RBFOX1: variants seen among roughly 807,000 people sequenced by gnomAD.
The protein encoded by RBFOX1 is RNA binding fox-1 homolog 1.
A neutral mutation model predicts 57.7 loss-of-function variants in RBFOX1; 8 were observed. The observed-to-expected ratio is 0.14, with a 90% CI of 0.08 to 0.25. The LOEUF is 0.25. Ranked by LOEUF, RBFOX1 falls within the 10% of genes least tolerant of loss-of-function variation. RBFOX1 has a pLI of 1.00. For synonymous variants in RBFOX1, 326 were observed against 222.4 expected (o/e 1.47, Z -4.15); for missense variants, 611 against 548.5 (o/e 1.11, Z -1.14).
intron 10 of RBFOX1, among the ~76,000 whole-genome samples, chr16:7,621,109 G>A (rs1297067498): frequency 6.6e-6 from 1 of 152,100 alleles, no homozygotes; most frequent in Non-Finnish European, 1.5e-5. Context: ...GCATAGTAGA[G>A]TTTGAGAAGC....
At chr16:6,058,218 T>G (rs2095638194) in intron 1 of RBFOX1, among the ~76,000 whole-genome samples, 1 of 152,134 alleles carries the variant, frequency 6.6e-6, no homozygotes, top group Non-Finnish European at 1.5e-5. Flanking sequence ...CTATCAGAAA[T>G]ATGAGTGTTT....
intron 3 of RBFOX1, among the ~76,000 whole-genome samples, chr16:6,736,809 T>A (rs553784482): frequency 2.0e-5 from 3 of 152,298 alleles, no homozygotes; most frequent in African/African-American, 7.2e-5. Flanking sequence ...TGGAATGCTG[T>A]ATTCATACAT....
At chr16:6,633,172 G>C (rs1433008488) in intron 2 of RBFOX1, among the ~76,000 whole-genome samples, 4 of 152,138 alleles carry the variant, frequency 2.6e-5, no homozygotes, top group Non-Finnish European at 2.9e-5. Context: ...ATCTTAGCAG[G>C]GCAGGTCAGA....
chr16:5,565,991 G>C (rs929949792), intron 2 of RBFOX1, among the ~76,000 whole-genome samples: 2 of 152,124 alleles, frequency 1.3e-5, no homozygotes, highest in Non-Finnish European at 2.9e-5. Flanking sequence ...TAAGTCTCCT[G>C]AGATCTGATG....
intron 4 of RBFOX1, among the ~76,000 whole-genome samples, chr16:7,078,046 T>A (rs1304672275): frequency 6.6e-6 from 1 of 152,150 alleles, no homozygotes; most frequent in Non-Finnish European, 1.5e-5. Flanking sequence ...GACAAACACC[T>A]TTTGAGATTT....
chr16:5,423,478 CAG>C (rs992002048), intron 1 of RBFOX1, among the ~76,000 whole-genome samples: 9 of 152,184 alleles, frequency 5.9e-5, no homozygotes, highest in African/African-American at 2.2e-4. Context: ...CGCCATCCAA[CAG>C]GGAGCATTTT....
chr16:6,896,070 T>C (rs530169070), intron 3 of RBFOX1, among the ~76,000 whole-genome samples: 183 of 152,202 alleles, frequency 1.2e-3, no homozygotes, highest in African/African-American at 4.2e-3. Context: ...CTTAGGAGTT[T>C]GGGACCAACC....
chr16:7,418,814 C>T (rs1430618272), intron 4 of RBFOX1, among the ~76,000 whole-genome samples: 1 of 152,132 alleles, frequency 6.6e-6, no homozygotes, highest in Non-Finnish European at 1.5e-5. Context: ...CTGTCTCTCT[C>T]ACCTCTTTTT....
chr16:6,943,976 A>G (rs1568004496), intron 3 of RBFOX1, among the ~76,000 whole-genome samples: 1 of 152,264 alleles, frequency 6.6e-6, no homozygotes, highest in East Asian at 1.9e-4. Context: ...GGGGCTGCCC[A>G]ACTCACGAAC....
At chr16:6,432,210 C>A (rs1198054221) in intron 2 of RBFOX1, among the ~76,000 whole-genome samples, 1 of 151,990 alleles carries the variant, frequency 6.6e-6, no homozygotes, top group African/African-American at 2.4e-5. Context: ...TTTAAGCAGT[C>A]CTCCCACCTG....
chr16:7,350,942 C>G (rs761904836), intron 4 of RBFOX1, among the ~76,000 whole-genome samples: 3 of 152,166 alleles, frequency 2.0e-5, no homozygotes, highest in Non-Finnish European at 4.4e-5. Flanking sequence ...GCAAACCTGC[C>G]TGAGCATGGA....
chr16:6,369,336 G>A (rs974824496), intron 2 of RBFOX1, among the ~76,000 whole-genome samples: 1 of 152,008 alleles, frequency 6.6e-6, no homozygotes. Flanking sequence ...TTGCTGGGTC[G>A]GATAGTGTAA....
At chr16:7,009,346 G>A (rs1596854686) in intron 3 of RBFOX1, among the ~76,000 whole-genome samples, 1 of 148,306 alleles carries the variant, frequency 6.7e-6, no homozygotes, top group East Asian at 2.0e-4. Context: ...TGAAGACCCT[G>A]CGCCAAGCAG....
intron 4 of RBFOX1, among the ~76,000 whole-genome samples, chr16:7,230,393 C>A (rs1460132272): frequency 6.6e-6 from 1 of 152,106 alleles, no homozygotes; most frequent in African/African-American, 2.4e-5. Flanking sequence ...CTTAACATAT[C>A]AGCTTCCATA....
intron 1 of RBFOX1, among the ~76,000 whole-genome samples, chr16:5,352,948 C>G (rs1274699508): frequency 2.0e-5 from 3 of 152,030 alleles, no homozygotes; most frequent in African/African-American, 7.2e-5. Flanking sequence ...GTTTTAGAAA[C>G]AAAAATATCC....
chr16:6,612,250 C>T (rs1339964608), intron 2 of RBFOX1, among the ~76,000 whole-genome samples: 1 of 152,070 alleles, frequency 6.6e-6, no homozygotes, highest in Admixed American at 6.5e-5. Flanking sequence ...CAATATTCCC[C>T]TAAATGTTAA....
intron 2 of RBFOX1, among the ~76,000 whole-genome samples, chr16:5,577,033 C>G (rs909047041): frequency 6.6e-6 from 1 of 152,214 alleles, no homozygotes; most frequent in Non-Finnish European, 1.5e-5. Flanking sequence ...GCTCCTCTCT[C>G]CCCAATTTCC....
intron 4 of RBFOX1, among the ~76,000 whole-genome samples, chr16:7,213,388 C>G (rs917376258): frequency 6.6e-6 from 1 of 152,072 alleles, no homozygotes; most frequent in Non-Finnish European, 1.5e-5. Context: ...CTTTAAGTTC[C>G]CAGTGTAATA....
intron 4 of RBFOX1, among the ~76,000 whole-genome samples, chr16:7,118,380 T>C (rs1420813582): frequency 2.6e-5 from 4 of 152,130 alleles, no homozygotes; most frequent in African/African-American, 9.7e-5. Context: ...ATTTGTTGGC[T>C]ATTCTCATCT....
Sources: allele counts gnomAD v4.1 joint callset (sites outside exome capture counted in the v4.1 genomes callset), GRCh38; gene constraint gnomAD v4.1.1; transcripts MANE v1.5; gene names NCBI Gene and HGNC (gene_info 2026-07-23, HGNC 2026-07-21).